Variants in HBS1L observed in about 807,000 individuals in gnomAD.
The protein encoded by HBS1L is HBS1 like translational GTPase.
In HBS1L, 55 loss-of-function variants were observed where a neutral mutation model predicts 88.9. The ratio of observed to expected loss-of-function variants is 0.62; its 90% CI spans 0.50 to 0.77. The LOEUF (loss-of-function observed/expected upper bound fraction) is 0.77. HBS1L is among the 30% of genes least tolerant of loss of function. HBS1L has a pLI of 0.00. For synonymous variants in HBS1L, 267 were observed against 288.5 expected (o/e 0.93, Z 0.76); for missense variants, 741 against 829.3 (o/e 0.89, Z 1.31).
At chr6:135,032,931 T>G (rs1776429628) in intron 4 of HBS1L, among the ~76,000 whole-genome samples, 1 of 72,542 alleles carries the variant, frequency 1.4e-5, no homozygotes, top group African/African-American at 5.5e-5. Context: ...GTTTAGTAAC[T>G]AGGAAAAAGG....
At chr6:135,052,449 G>A (rs1489897415) in intron 1 of HBS1L, among the ~76,000 whole-genome samples, 1 of 152,016 alleles carries the variant, frequency 6.6e-6, no homozygotes, top group African/African-American at 2.4e-5. Flanking sequence ...GCACATGCCT[G>A]TAGACCTAGC....
At chr6:135,028,267 A>T (rs1776291436) in intron 4 of HBS1L, among the ~76,000 whole-genome samples, 1 of 151,490 alleles carries the variant, frequency 6.6e-6, no homozygotes, top group Non-Finnish European at 1.5e-5. Flanking sequence ...AAGGTAATAA[A>T]AAAAAAAAAA....
chr6:135,052,583 T>TAAAAAAAAA (rs55725857), intron 1 of HBS1L, among the ~76,000 whole-genome samples: 2 of 137,884 alleles, frequency 1.5e-5, no homozygotes, highest in African/African-American at 2.7e-5. Context: ...TCCTGTCTCT[T>TAAAAAAAAA]AAAAAAAAAA....
intron 2 of HBS1L, 142 bp from the exon 3 acceptor site, chr6:135,042,268 A>G: frequency 1.6e-6 from 1 of 633,810 alleles, no homozygotes; most frequent in Non-Finnish European, 2.6e-6. Flanking sequence ...AACAAAAACA[A>G]TATCATATCA....
chr6:134,977,892 A>T (rs1373425267), intron 15 of HBS1L, among the ~76,000 whole-genome samples: 1 of 152,040 alleles, frequency 6.6e-6, no homozygotes, highest in Non-Finnish European at 1.5e-5. Context: ...GGTCCCAAAT[A>T]TCTCAAAACA....
intron 3 of HBS1L, among the ~76,000 whole-genome samples, 164 bp downstream of exon 3, chr6:135,041,837 C>T (rs1009768521): frequency 6.6e-6 from 1 of 152,156 alleles, no homozygotes; most frequent in African/African-American, 2.4e-5. Flanking sequence ...ATACACTCCT[C>T]ACAAAACATA....
intron 4 of HBS1L, among the ~76,000 whole-genome samples, chr6:135,030,076 T>C (rs1207466465): frequency 2.0e-5 from 3 of 152,196 alleles, no homozygotes; most frequent in Non-Finnish European, 4.4e-5. Flanking sequence ...GCCAGACATA[T>C]TCTGAGTTGG....
chr6:135,037,513 T>C (rs1776592811), intron 4 of HBS1L: 1 of 1,550,086 alleles, frequency 6.5e-7, no homozygotes, highest in Non-Finnish European at 8.7e-7. Context: ...TCCTAAACTG[T>C]CCTGTACTGG....
intron 4 of HBS1L, among the ~76,000 whole-genome samples, chr6:135,034,784 T>A (rs1434285936): frequency 1.3e-5 from 2 of 152,248 alleles, no homozygotes; most frequent in Non-Finnish European, 2.9e-5. Context: ...TTTCTAGAAA[T>A]TATTCATTCA....
intron 2 of HBS1L, among the ~76,000 whole-genome samples, chr6:135,045,315 C>A (rs1776878605): frequency 6.6e-6 from 1 of 152,102 alleles, no homozygotes; most frequent in Admixed American, 6.6e-5. Context: ...ATGGAAGTGC[C>A]TTCTGAAAAA....
chr6:135,004,862 G>C (rs1775567827), intron 4 of HBS1L, among the ~76,000 whole-genome samples: 1 of 152,168 alleles, frequency 6.6e-6, no homozygotes, highest in African/African-American at 2.4e-5. Flanking sequence ...TGAAGACATA[G>C]ATACAGGCGA....
At chr6:135,005,112 T>G in intron 4 of HBS1L, among the ~76,000 whole-genome samples, 1 of 152,182 alleles carries the variant, frequency 6.6e-6, no homozygotes, top group Middle Eastern at 3.2e-3. Context: ...GGTGACATGA[T>G]CACTTTAGAT....
chr6:134,986,125 C>T lies in HBS1L; in HGVS notation c.1364G>A (p.Arg455Lys), dbSNP rs1774972118. Residue 455 changes from arginine to lysine, a missense_variant, in exon 11 of 18, where the codon AGA becomes AAA. Coordinates refer to ENST00000367837, the MANE Select transcript of HBS1L (RefSeq NM_006620.4). Reference protein sequence around the residue: ...SGLSGENLITRSQSSELTKWY... With the variant: ...SGLSGENLITKSQSSELTKWY... Reference sequence around the variant, plus strand: ...TTTTGTGAGTTCACTTGACTGAGATCTTGTGATTAGATTTTCACCACTGAG... The same window carrying T: ...TTTTGTGAGTTCACTTGACTGAGATTTTGTGATTAGATTTTCACCACTGAG... 1.2e-6 allele frequency: 2 copies of T among 1,603,724 alleles called. No individual in the cohort carries two copies. Among genetic ancestry groups the T allele is most frequent in the Non-Finnish European group, 1.7e-6 (2 of 1,171,502 alleles).
intron 4 of HBS1L, among the ~76,000 whole-genome samples, chr6:135,005,332 T>C (rs1404049698): frequency 6.6e-6 from 1 of 152,220 alleles, no homozygotes; most frequent in African/African-American, 2.4e-5. Flanking sequence ...TGGACTGATA[T>C]GAGGCTATTT....
At chr6:134,968,445 C>T (rs1228526839) in intron 16 of HBS1L, among the ~76,000 whole-genome samples, 1 of 151,978 alleles carries the variant, frequency 6.6e-6, no homozygotes, top group African/African-American at 2.4e-5. Flanking sequence ...GACGGGGTTT[C>T]GCCATGTTGG....
At chr6:135,003,429 T>C (rs1049236954) in intron 4 of HBS1L, among the ~76,000 whole-genome samples, 1 of 152,084 alleles carries the variant, frequency 6.6e-6, no homozygotes, top group Non-Finnish European at 1.5e-5. Flanking sequence ...TAGTCAGGCA[T>C]GGTGACATGT....
At chr6:134,972,226 C>T (rs1041282276) in intron 15 of HBS1L, among the ~76,000 whole-genome samples, 6 of 151,930 alleles carry the variant, frequency 3.9e-5, no homozygotes, top group African/African-American at 1.5e-4. Context: ...AAATGGGCTA[C>T]GTAGTCTGTT....
chr6:134,985,473 T>A (rs1229972437), intron 11 of HBS1L, 64 bp from the exon 12 acceptor site: 1 of 957,882 alleles, frequency 1.0e-6, no homozygotes, highest in Non-Finnish European at 1.6e-6. Context: ...CTCACTTCAA[T>A]AAACTCATTA....
intron 8 of HBS1L, among the ~76,000 whole-genome samples, chr6:134,991,133 G>A (rs1253343426): frequency 1.3e-5 from 2 of 151,602 alleles, no homozygotes. Context: ...TTTGGTAAAT[G>A]CAATGAGAAG....
Sources: allele counts gnomAD v4.1 joint callset (sites outside exome capture counted in the v4.1 genomes callset), GRCh38; gene constraint gnomAD v4.1.1; transcripts MANE v1.5; gene names NCBI Gene and HGNC (gene_info 2026-07-23, HGNC 2026-07-21).